Variants in IL23R observed in about 807,000 individuals in gnomAD.
IL23R encodes the protein interleukin 23 receptor.
Under a neutral mutation model 56.9 loss-of-function variants are expected in IL23R, and 34 were observed. That is an observed-to-expected ratio of 0.60 (90% confidence interval 0.45 to 0.80). The LOEUF (loss-of-function observed/expected upper bound fraction) is 0.80. IL23R is among the 30% of genes least tolerant of loss of function. IL23R has a pLI of 0.00. For missense variants in IL23R, 635 were observed against 730.0 expected, an observed-to-expected ratio of 0.87 and a Z score of 1.50; for synonymous variants, 230 against 249.2, an observed-to-expected ratio of 0.92 and a Z score of 0.73.
intron 3 of IL23R, among the ~76,000 whole-genome samples, chr1:67,179,854 T>G (rs13034210): frequency 6.6e-6 from 1 of 152,204 alleles, no homozygotes; most frequent in Non-Finnish European, 1.5e-5. Context: ...ACATCTTTAT[T>G]TCTGCCTTCA....
intron 1 of IL23R, among the ~76,000 whole-genome samples, chr1:67,157,442 C>T (rs1188175535): frequency 6.6e-6 from 1 of 151,998 alleles, no homozygotes; most frequent in African/African-American, 2.4e-5. Context: ...TAATACCCTT[C>T]AACAGCTTCC....
chr1:67,161,263 T>C (rs1434713362), intron 1 of IL23R, among the ~76,000 whole-genome samples: 1 of 152,224 alleles, frequency 6.6e-6, no homozygotes, highest in East Asian at 1.9e-4. Flanking sequence ...CTATCTCATA[T>C]TCTAGAATTG....
In IL23R at chr1:67,230,064, C is replaced by A. The variant is rs12044099; in HGVS notation, c.956-6649C>A. Among the ~76,000 whole-genome samples, 5 of 152,184 alleles carry A rather than the reference C, an allele frequency of 3.3e-5. No homozygotes were observed. The East Asian group carries it at 9.6e-4, about 29-fold the overall frequency. ...AAATCACAGCCTAGGAAAAGTCTGG[C>A]GAGGACCCTGCAGCTGACGCTGATC... On this transcript the variant is annotated intron_variant, in intron 7 of 10. Transcript: ENST00000347310.
At chr1:67,180,558 C>A (rs1320376789) in intron 3 of IL23R, among the ~76,000 whole-genome samples, 32 of 152,144 alleles carry the variant, frequency 2.1e-4, no homozygotes, top group African/African-American at 6.3e-4. Context: ...GCTGATGGGT[C>A]TTGACTCTTT....
At chr1:67,180,461 C>A (rs955625343) in intron 3 of IL23R, among the ~76,000 whole-genome samples, 3 of 151,094 alleles carry the variant, frequency 2.0e-5, no homozygotes, top group South Asian at 2.1e-4. Flanking sequence ...TTTTTGTTTT[C>A]CATTTGCTTG....
chr1:67,175,565 T>C (rs546434943), intron 3 of IL23R, among the ~76,000 whole-genome samples: 27 of 152,320 alleles, frequency 1.8e-4, no homozygotes, highest in African/African-American at 6.5e-4. Context: ...CCAGATACCT[T>C]GTGTAAGGGG....
downstream of IL23R, among the ~76,000 whole-genome samples, chr1:67,262,048 C>T (rs556232134): frequency 2.8e-4 from 42 of 152,298 alleles, no homozygotes; most frequent in Middle Eastern, 0.01. Context: ...GCCTTTGTCC[C>T]AACTCAGGGG....
chr1:67,149,088 C>T (rs1646706664), intron 1 of IL23R, among the ~76,000 whole-genome samples: 1 of 152,168 alleles, frequency 6.6e-6, no homozygotes, highest in East Asian at 1.9e-4. Context: ...CCTCCCACCC[C>T]AGCCCACTCA....
chr1:67,161,818 G>T (rs1007122966), upstream of IL23R, among the ~76,000 whole-genome samples: 1 of 151,796 alleles, frequency 6.6e-6, no homozygotes. Context: ...AGTAGAGATG[G>T]AGTTTCACCA....
Position 67,178,951 on chromosome 1 carries a change from C to A in IL23R, c.368-3885C>A, listed in dbSNP as rs377400437. ...TTTGCATATGTTGAACCAGCCTTGC[C>A]TCCCAGGGAGGAAGCCCACTTGATC... On this transcript the variant is annotated intron_variant, in intron 3 of 10. Coordinates refer to ENST00000347310, the MANE Select transcript of IL23R (RefSeq NM_144701.3). 3.3e-5 allele frequency among the ~76,000 whole-genome samples: 5 copies of A among 152,256 alleles called. No individual in the cohort carries two copies. In the East Asian group the frequency reaches 7.7e-4, roughly 24 times the overall value.
intron 1 of IL23R, among the ~76,000 whole-genome samples, chr1:67,146,419 A>C (rs1034105720): frequency 6.6e-6 from 1 of 152,208 alleles, no homozygotes; most frequent in African/African-American, 2.4e-5. Flanking sequence ...GTTGCCCTTT[A>C]GAGTCTCACA....
chr1:67,195,235 G>T lies in IL23R; in HGVS notation c.492-5502G>T, dbSNP rs181116061. 4.0e-3 allele frequency among the ~76,000 whole-genome samples: 603 copies of T among 152,202 alleles called. 1 individual carries two copies. The highest frequency in any genetic ancestry group is 6.3e-3 in the Non-Finnish European group (431 of 67,996). On this transcript the variant is annotated intron_variant, in intron 4 of 10. Transcript: ENST00000347310. ...TTTAGTAGAGACAGGGTTTCACCAC[G>T]TTGGCCAGGCTAGTCTCAAACTCCT...
At chr1:67,153,196 A>G (rs1157138316) in intron 1 of IL23R, among the ~76,000 whole-genome samples, 1 of 152,170 alleles carries the variant, frequency 6.6e-6, no homozygotes, top group Non-Finnish European at 1.5e-5. Flanking sequence ...GTGTCAAGAA[A>G]TGTATCCATT....
intron 4 of IL23R, among the ~76,000 whole-genome samples, chr1:67,184,176 A>C (rs1647210432): frequency 6.6e-6 from 1 of 152,188 alleles, no homozygotes; most frequent in Non-Finnish European, 1.5e-5. Context: ...CAGAGGTTGC[A>C]GTGAGCTGAG....
Position 67,229,666 on chromosome 1 carries a change from G to A in IL23R, c.956-7047G>A, listed in dbSNP as rs141220640. On this transcript the variant is annotated intron_variant, in intron 7 of 10. Coordinates refer to ENST00000347310, the MANE Select transcript of IL23R (RefSeq NM_144701.3). The stretch of plus-strand genomic sequence containing the variant: ...GGGGCGGCCAGCCACTAGTCAGCTC[G>A]TTAGCATACAAAATGACCGTTACCA... Among the ~76,000 whole-genome samples, 433 of 152,244 alleles carry A rather than the reference G, an allele frequency of 2.8e-3. 4 individuals carry two copies. The highest frequency in any genetic ancestry group is 9.8e-3 in the African/African-American group (406 of 41,538).
chr1:67,245,632 A>G (rs1652166674), intron 9 of IL23R, among the ~76,000 whole-genome samples: 1 of 152,170 alleles, frequency 6.6e-6, no homozygotes, highest in African/African-American at 2.4e-5. Context: ...CCTATGTTGA[A>G]CCAGCCTTGC....
intron 8 of IL23R, among the ~76,000 whole-genome samples, chr1:67,237,471 G>T (rs978348214): frequency 6.6e-6 from 1 of 152,166 alleles, no homozygotes; most frequent in Non-Finnish European, 1.5e-5. Flanking sequence ...TGAGATAAGT[G>T]TTACGCATCT....
chr1:67,161,876 T>C (rs1646824316), upstream of IL23R, among the ~76,000 whole-genome samples: 1 of 152,018 alleles, frequency 6.6e-6, no homozygotes, highest in Non-Finnish European at 1.5e-5. Context: ...TCCACCTGCC[T>C]CGGCCAACAA....
Position 67,206,905 on chromosome 1 carries a change from TCTA to T in IL23R, c.653-4_653-2del. On this transcript the variant is annotated splice_acceptor_variant and splice_polypyrimidine_tract_variant and intron_variant, in intron 5 of 10. Transcript: ENST00000347310. LOFTEE classifies it high-confidence loss of function. ...AGGTCTTTTTTTTTTTTTTTTTTTT[TCTA>T]GTGATACCTTCTGCAGCCGTCATTT... 1 of 1,528,988 alleles carries T rather than the reference TCTA, an allele frequency of 6.5e-7. No homozygotes were observed. Among genetic ancestry groups the T allele is most frequent in the Non-Finnish European group, 8.7e-7 (1 of 1,143,198 alleles). 94.7% of individuals were successfully genotyped at this position (1,528,988 alleles called of 1,614,324 possible). A position where few individuals can be genotyped will look rare whatever the true frequency, so the allele number is the denominator to read the frequency against.
Sources: gnomAD v4.1 joint callset for allele counts (sites outside exome capture counted in the v4.1 genomes callset) on GRCh38, gnomAD v4.1.1 for gene constraint, MANE v1.5 for transcripts, NCBI Gene and HGNC (gene_info 2026-07-23, HGNC 2026-07-21) for gene names.